Variants in NECTIN3 observed in about 807,000 individuals in gnomAD.
The protein encoded by NECTIN3 is nectin cell adhesion molecule 3.
Under a neutral mutation model 49.4 loss-of-function variants are expected in NECTIN3, and 8 were observed. That is an observed-to-expected ratio of 0.16 (90% confidence interval 0.10 to 0.29). NECTIN3 has a LOEUF of 0.29. Among genes scored for constraint, NECTIN3 ranks in the 10% least tolerant of loss-of-function variants. NECTIN3 has a pLI of 1.00. For synonymous variants in NECTIN3, 277 were observed against 241.1 expected (o/e 1.15, Z -1.38); for missense variants, 581 against 654.6 (o/e 0.89, Z 1.23).
chr3:111,107,608 A>C (rs1445980203), intron 1 of NECTIN3, among the ~76,000 whole-genome samples: 1 of 152,076 alleles, frequency 6.6e-6, no homozygotes, highest in Non-Finnish European at 1.5e-5. Flanking sequence ...TTAAACTTTA[A>C]ATAATTTAGC....
upstream of NECTIN3, among the ~76,000 whole-genome samples, chr3:111,190,840 A>G (rs2035801468): frequency 6.6e-6 from 1 of 152,254 alleles, no homozygotes; most frequent in South Asian, 2.1e-4. Context: ...ATTAGGGACT[A>G]TAAAACAAGA....
intron 1 of NECTIN3, chr3:111,072,996 G>C (rs1253075641): frequency 7.2e-6 from 1 of 138,826 alleles, no homozygotes; most frequent in Non-Finnish European, 1.5e-5. Flanking sequence ...AGGTATGCCA[G>C]ACTAGAAGCC....
chr3:111,116,215 TAAG>T (rs1399812734), intron 2 of NECTIN3, among the ~76,000 whole-genome samples: 2 of 152,156 alleles, frequency 1.3e-5, no homozygotes, highest in South Asian at 4.1e-4. Context: ...GAGAGAGTTA[TAAG>T]AAGAACTCAG....
intron 2 of NECTIN3, 74 bp downstream of exon 2, chr3:111,112,445 A>G (rs949750122): frequency 1.1e-6 from 1 of 949,222 alleles, no homozygotes. Context: ...AGAAATTAAA[A>G]TGGTTGAAAT....
chr3:111,122,333 T>C, intron 4 of NECTIN3, 95 bp downstream of exon 4: 1 of 859,512 alleles, frequency 1.2e-6, no homozygotes, highest in African/African-American at 1.8e-5. Context: ...TACATGATTA[T>C]AGTAATAGCA....
In NECTIN3 at chr3:111,133,929, T is replaced by C. The variant is rs776163447; in HGVS notation, c.1364T>C (p.Ile455Thr). ...PPSDMQKESQ[I>T]DVLQQDELDS... ...TCAGATATGCAAAAAGAATCACAAA[T>C]AGATGTTCTTCAACAAGATGAGCTT... The change falls in exon 6 of 6, where the codon ATA becomes ACA. Residue 455 changes from isoleucine (I) to threonine (T), a missense_variant. By Grantham distance (89) the Ile-to-Thr change is moderately conservative. Coordinates refer to ENST00000485303, the MANE Select transcript of NECTIN3 (RefSeq NM_015480.3). 7 of 1,613,796 alleles carry C rather than the reference T, an allele frequency of 4.3e-6. No individual in the cohort carries two copies. The highest frequency in any genetic ancestry group is 5.9e-6 in the Non-Finnish European group (7 of 1,179,838).
intron 1 of NECTIN3, among the ~76,000 whole-genome samples, chr3:111,107,611 A>C (rs2033241272): frequency 6.6e-6 from 1 of 152,108 alleles, no homozygotes; most frequent in Admixed American, 6.6e-5. Context: ...AACTTTAAAT[A>C]ATTTAGCTCT....
chr3:111,184,876 A>G (rs948553287), intron 7 of NECTIN3, among the ~76,000 whole-genome samples: 1 of 152,202 alleles, frequency 6.6e-6, no homozygotes, highest in Non-Finnish European at 1.5e-5. Context: ...TAGGATGGTT[A>G]TAGAGTAGCC....
chr3:111,155,555 A>G (rs886502979), intron 7 of NECTIN3, among the ~76,000 whole-genome samples: 1 of 152,218 alleles, frequency 6.6e-6, no homozygotes, highest in Non-Finnish European at 1.5e-5. Context: ...GAGCTGAACT[A>G]TTATAAATGT....
chr3:111,145,948 T>G (rs543052337), intron 6 of NECTIN3, among the ~76,000 whole-genome samples: 293 of 152,318 alleles, frequency 1.9e-3, no homozygotes, highest in African/African-American at 6.9e-3. Context: ...ATGATCAAAT[T>G]AGTACTATGA....
chr3:111,108,731 A>G (rs887657861), intron 1 of NECTIN3, among the ~76,000 whole-genome samples: 4 of 152,132 alleles, frequency 2.6e-5, no homozygotes, highest in African/African-American at 9.7e-5. Flanking sequence ...ACATAAAGCA[A>G]AAGAAAGCGG....
At chr3:111,133,211 T>G (rs2034453723) in intron 5 of NECTIN3, among the ~76,000 whole-genome samples, 1 of 152,014 alleles carries the variant, frequency 6.6e-6, no homozygotes, top group Non-Finnish European at 1.5e-5. Flanking sequence ...CTTTTTATTT[T>G]CTTGAGCTAC....
At chr3:111,088,060 C>T (rs902128810) in intron 1 of NECTIN3, among the ~76,000 whole-genome samples, 3 of 152,166 alleles carry the variant, frequency 2.0e-5, no homozygotes, top group Non-Finnish European at 2.9e-5. Flanking sequence ...TGCCAAGCCT[C>T]ATGTTGAAAT....
At chr3:111,088,603 A>C (rs2032073703) in intron 1 of NECTIN3, among the ~76,000 whole-genome samples, 1 of 152,142 alleles carries the variant, frequency 6.6e-6, no homozygotes, top group Non-Finnish European at 1.5e-5. Context: ...TGGGCCCAAC[A>C]TGCTTCTGCT....
chr3:111,188,824 T>A (rs2035765277), upstream of NECTIN3, among the ~76,000 whole-genome samples: 1 of 152,218 alleles, frequency 6.6e-6, no homozygotes, highest in Non-Finnish European at 1.5e-5. Flanking sequence ...GTGTGAATGA[T>A]CATTTATTTT....
At chr3:111,150,335 T>C (rs2034974115) in intron 7 of NECTIN3, among the ~76,000 whole-genome samples, 1 of 152,002 alleles carries the variant, frequency 6.6e-6, no homozygotes, top group South Asian at 2.1e-4. Context: ...TCACAGTAGT[T>C]ATCTGTCAGA....
At chr3:111,127,773 G>T (rs141481950) in intron 5 of NECTIN3, among the ~76,000 whole-genome samples, 1 of 151,898 alleles carries the variant, frequency 6.6e-6, no homozygotes, top group East Asian at 1.9e-4. Flanking sequence ...TCTCTATGTT[G>T]TCCAGGCTGG....
intron 1 of NECTIN3, among the ~76,000 whole-genome samples, chr3:111,100,370 G>A (rs913651405): frequency 1.3e-5 from 2 of 152,082 alleles, no homozygotes; most frequent in Admixed American, 6.5e-5. Flanking sequence ...TGACAACTTT[G>A]TTCTCTGATG....
At chr3:111,133,017 T>G (rs2034448751) in intron 5 of NECTIN3, among the ~76,000 whole-genome samples, 1 of 151,752 alleles carries the variant, frequency 6.6e-6, no homozygotes, top group Admixed American at 6.6e-5. Flanking sequence ...TTCCAAAAAT[T>G]TTGAGCTTTT....
Sources: allele counts gnomAD v4.1 joint callset (sites outside exome capture counted in the v4.1 genomes callset), GRCh38; gene constraint gnomAD v4.1.1; transcripts MANE v1.5; gene names NCBI Gene and HGNC (gene_info 2026-07-23, HGNC 2026-07-21).